GPC3: variants seen among roughly 807,000 people sequenced by gnomAD.
GPC3 encodes glypican-3.
GPC3 carries 3 observed loss-of-function variants against 34.4 expected under a neutral mutation model. The ratio of observed to expected loss-of-function variants is 0.09; its 90% confidence interval spans 0.04 to 0.23. The LOEUF is 0.23. Among genes scored for constraint, GPC3 ranks in the 10% least tolerant of loss-of-function variants. GPC3 has a pLI of 1.00. For missense variants in GPC3, 351 were observed against 445.6 expected (o/e 0.79, Z 1.91); for synonymous variants, 177 against 174.0 (o/e 1.02, Z -0.13).
rs2071693313 is a variant in GPC3, at chrX:133,753,703, C to T, written c.811G>A (p.Val271Ile). 8.3e-7 allele frequency: 1 copy of T among 1,209,500 alleles called. No individual in the cohort carries two copies. The highest frequency in any genetic ancestry group is 1.1e-6 in the Non-Finnish European group (1 of 894,593). ...YCSYCQGLMMVKPCGGYCNVV... is the reference protein window; with the variant it reads ...YCSYCQGLMMIKPCGGYCNVV... ...TTGCAGTAACCGCCACAGGGTTTAA[C>T]CATCATCAGTCCCTGGCAGTAAGAG... Residue 271 changes from valine to isoleucine, a missense_variant, in exon 3 of 8, where the codon GTT (valine) becomes ATT (isoleucine). Coordinates refer to ENST00000370818, the MANE Select transcript of GPC3 (RefSeq NM_004484.4).
At chrX:133,574,465 AT>A (rs2069659655) in intron 7 of GPC3, among the ~76,000 whole-genome samples, 2 of 112,397 alleles carry the variant, frequency 1.8e-5, no homozygotes, top group Non-Finnish European at 3.8e-5. Flanking sequence ...ATAAATTCTC[AT>A]TGGCCACATG....
intron 2 of GPC3, among the ~76,000 whole-genome samples, chrX:133,852,145 T>C (rs1320012754): frequency 8.9e-6 from 1 of 112,127 alleles, no homozygotes; most frequent in Non-Finnish European, 1.9e-5. Context: ...TAGATTCTTG[T>C]AGAATAATGA....
chrX:133,561,579 G>A (rs1365834175), intron 7 of GPC3, among the ~76,000 whole-genome samples: 2 of 112,194 alleles, frequency 1.8e-5, no homozygotes. Flanking sequence ...ATGCCCAAGT[G>A]CAAGTAATGG....
intron 2 of GPC3, among the ~76,000 whole-genome samples, chrX:133,883,111 A>C (rs2076049032): frequency 8.9e-6 from 1 of 111,795 alleles, no homozygotes; most frequent in African/African-American, 3.3e-5. Flanking sequence ...TTATATGTGT[A>C]TATAGAGCTT....
At chrX:133,649,257 G>GATAT (rs200113472) in intron 6 of GPC3, among the ~76,000 whole-genome samples, 1 of 98,964 alleles carries the variant, frequency 1.0e-5, no homozygotes, top group African/African-American at 3.6e-5. Context: ...AAATGACGAG[G>GATAT]ATATATATAT....
intron 7 of GPC3, among the ~76,000 whole-genome samples, chrX:133,554,154 C>G (rs763373916): frequency 9.1e-6 from 1 of 109,708 alleles, no homozygotes. Flanking sequence ...GCTGGGACTA[C>G]AGGTGCGCAC....
At chrX:133,739,802 G>A (rs990039646) in intron 3 of GPC3, among the ~76,000 whole-genome samples, 1 of 112,354 alleles carries the variant, frequency 8.9e-6, no homozygotes, top group Admixed American at 9.4e-5. Flanking sequence ...AGGATCACTT[G>A]AGCCCAGGTG....
Position 133,612,618 on chromosome X carries a change from G to A in GPC3, c.1414-16019C>T, listed in dbSNP as rs189486783. On this transcript the variant is annotated intron_variant, in intron 6 of 7. Transcript: ENST00000370818. ...CTGCCTATTCACTCATCTAACTGGG[G>A]AACCTCTTCCATGCTTCAGGTCCTC... 3.8e-3 allele frequency among the ~76,000 whole-genome samples: 427 copies of A among 110,979 alleles called. 1 individual carries two copies. Among genetic ancestry groups the A allele is most frequent in the Non-Finnish European group, 6.5e-3 (342 of 52,965 alleles).
intron 2 of GPC3, among the ~76,000 whole-genome samples, chrX:133,848,862 T>A (rs1273472505): frequency 9.1e-6 from 1 of 110,088 alleles, no homozygotes; most frequent in South Asian, 3.9e-4. Context: ...AAAAGAAAGA[T>A]CATCAAAGCA....
intron 2 of GPC3, among the ~76,000 whole-genome samples, chrX:133,932,529 C>T (rs2076303000): frequency 9.0e-6 from 1 of 111,621 alleles, no homozygotes; most frequent in Non-Finnish European, 1.9e-5. Flanking sequence ...ATTATTAAAT[C>T]TAAGAATCCT....
chrX:133,657,494 G>A (rs1342928499), intron 6 of GPC3, among the ~76,000 whole-genome samples: 2 of 111,593 alleles, frequency 1.8e-5, no homozygotes, highest in African/African-American at 6.5e-5. Context: ...ACATAAAAGA[G>A]TTCAATTCTT....
At chrX:133,788,756 C>T (rs1347156304) in intron 2 of GPC3, among the ~76,000 whole-genome samples, 2 of 101,385 alleles carry the variant, frequency 2.0e-5, no homozygotes, top group Non-Finnish European at 4.0e-5. Flanking sequence ...CCTCCTCCCC[C>T]CCTTCCTTTT....
At chrX:133,580,243 C>T (rs1351091060) in intron 7 of GPC3, among the ~76,000 whole-genome samples, 2 of 111,790 alleles carry the variant, frequency 1.8e-5, no homozygotes, top group South Asian at 3.8e-4. Flanking sequence ...AACCTCTCCT[C>T]GAAGGAAGGC....
At chrX:133,610,515 T>C (rs766145576) in intron 6 of GPC3, among the ~76,000 whole-genome samples, 4 of 110,708 alleles carry the variant, frequency 3.6e-5, no homozygotes, top group Non-Finnish European at 5.7e-5. Context: ...TGTAGTCATA[T>C]TCAATTAACA....
At chrX:133,774,551 A>T (rs2071956428) in intron 2 of GPC3, among the ~76,000 whole-genome samples, 1 of 111,362 alleles carries the variant, frequency 9.0e-6, no homozygotes, top group South Asian at 3.8e-4. Flanking sequence ...ATATCTAATT[A>T]TGGCATCATG....
At chrX:133,830,693 A>C (rs201510930) in intron 2 of GPC3, among the ~76,000 whole-genome samples, 6,169 of 105,923 alleles carry the variant, frequency 0.058, 414 homozygotes, top group African/African-American at 0.15. Context: ...AAAAAAAAAA[A>C]AAAAAAAAAA....
chrX:133,880,396 A>G (rs1284453714), intron 2 of GPC3, among the ~76,000 whole-genome samples: 1 of 111,984 alleles, frequency 8.9e-6, no homozygotes, highest in Admixed American at 9.5e-5. Context: ...CAAGTTACCA[A>G]ACACAATGGG....
chrX:133,738,155 C>G (rs751970953), intron 3 of GPC3, among the ~76,000 whole-genome samples: 137 of 111,820 alleles, frequency 1.2e-3, no homozygotes, highest in African/African-American at 4.4e-3. Context: ...TTTGTAGAGA[C>G]AAGGTCTCGC....
chrX:133,576,675 G>A (rs2069685756), intron 7 of GPC3, among the ~76,000 whole-genome samples: 1 of 110,988 alleles, frequency 9.0e-6, no homozygotes, highest in Non-Finnish European at 1.9e-5. Context: ...ATCAGATGAT[G>A]AATTTCAAAG....
Sources: gnomAD v4.1 joint callset for allele counts (sites outside exome capture counted in the v4.1 genomes callset) on GRCh38, gnomAD v4.1.1 for gene constraint, MANE v1.5 for transcripts, NCBI Gene and HGNC (gene_info 2026-07-23, HGNC 2026-07-21) for gene names.